Variants in FHIT observed in about 807,000 individuals in gnomAD.
FHIT encodes the protein bis(5'-adenosyl)-triphosphatase.
A neutral mutation model predicts 17.9 loss-of-function variants in FHIT; 19 were observed. The ratio of observed to expected loss-of-function variants is 1.06; its 90% CI spans 0.74 to 1.56. FHIT has a LOEUF of 1.56. Ranked by LOEUF, FHIT falls within the 40% of genes most tolerant of loss-of-function variation. The pLI, the probability that FHIT is intolerant of heterozygous loss-of-function variation, is 0.00. For missense variants in FHIT, 248 were observed against 189.2 expected (o/e 1.31, Z -1.82); for synonymous variants, 81 against 69.7 (o/e 1.16, Z -0.81).
intron 2 of FHIT, among the ~76,000 whole-genome samples, chr3:61,056,944 C>G (rs1217809711): frequency 6.6e-6 from 1 of 152,134 alleles, no homozygotes; most frequent in Non-Finnish European, 1.5e-5. Flanking sequence ...AAAAAACAAA[C>G]TTACTACTTA....
intron 4 of FHIT, among the ~76,000 whole-genome samples, chr3:60,695,611 A>C (rs537280148): frequency 2.0e-5 from 3 of 152,130 alleles, no homozygotes; most frequent in Non-Finnish European, 2.9e-5. Flanking sequence ...TGGGAGGATC[A>C]GCTGTGATAA....
At chr3:60,700,480 T>C (rs1247737431) in intron 4 of FHIT, among the ~76,000 whole-genome samples, 2 of 152,208 alleles carry the variant, frequency 1.3e-5, no homozygotes, top group South Asian at 2.1e-4. Context: ...ATGGTTATAG[T>C]ATAAATATAT....
At chr3:60,706,528 C>T (rs1049047152) in intron 4 of FHIT, among the ~76,000 whole-genome samples, 1 of 152,176 alleles carries the variant, frequency 6.6e-6, no homozygotes, top group African/African-American at 2.4e-5. Flanking sequence ...AGAATGAACA[C>T]TTAATTTATT....
intron 2 of FHIT, among the ~76,000 whole-genome samples, chr3:61,073,731 C>G (rs1194767238): frequency 6.6e-6 from 1 of 152,180 alleles, no homozygotes; most frequent in East Asian, 1.9e-4. Context: ...CAGTGTCCTG[C>G]TGGCCCTATT....
At chr3:60,457,928 A>C (rs2032212231) in intron 5 of FHIT, among the ~76,000 whole-genome samples, 1 of 152,124 alleles carries the variant, frequency 6.6e-6, no homozygotes. Flanking sequence ...AAAAGTCAGG[A>C]AACAACAGGT....
At chr3:60,841,548 A>T (rs1330185346) in intron 3 of FHIT, among the ~76,000 whole-genome samples, 1 of 152,232 alleles carries the variant, frequency 6.6e-6, no homozygotes, top group African/African-American at 2.4e-5. Flanking sequence ...TATCTTGCCC[A>T]AAGTTGAAAA....
At chr3:60,336,444 T>C (rs1710244228) in intron 5 of FHIT, among the ~76,000 whole-genome samples, 1 of 152,236 alleles carries the variant, frequency 6.6e-6, no homozygotes, top group African/African-American at 2.4e-5. Flanking sequence ...GGCTTTATTC[T>C]AGAACACTTG....
chr3:59,990,540 C>T (rs1709180656), intron 7 of FHIT, among the ~76,000 whole-genome samples: 1 of 152,066 alleles, frequency 6.6e-6, no homozygotes, highest in Non-Finnish European at 1.5e-5. Context: ...TTGCAAACTG[C>T]TTACTCCTTA....
chr3:60,377,706 C>T (rs569555278), intron 5 of FHIT, among the ~76,000 whole-genome samples: 8 of 151,436 alleles, frequency 5.3e-5, no homozygotes, highest in South Asian at 2.1e-4. Flanking sequence ...TGGTCTCGAT[C>T]TCCTGACCTC....
In FHIT at chr3:60,860,992, CGT is replaced by C. The variant is rs1703778192; in HGVS notation, c.-110-38983_-110-38982del. ...ATCATGTATATATGATACATATATA[CGT>C]ATATATCCATATATATGATACATAT... On this transcript the variant is annotated intron_variant, in intron 3 of 9. Transcript: ENST00000492590. 2.1e-5 allele frequency among the ~76,000 whole-genome samples: 2 copies of C among 96,996 alleles called. 1 individual carries two copies. Among genetic ancestry groups the C allele is most frequent in the Non-Finnish European group, 4.3e-5 (2 of 45,982 alleles). The allele number at this position is 96,996 out of a possible 152,430, so 63.6% of individuals were successfully genotyped here. A position where few individuals can be genotyped will look rare whatever the true frequency, so the allele number is the denominator to read the frequency against.
chr3:60,140,815 T>A (rs1384470471), intron 5 of FHIT, among the ~76,000 whole-genome samples: 4 of 152,100 alleles, frequency 2.6e-5, no homozygotes, highest in Non-Finnish European at 4.4e-5. Context: ...CAACCTCAGA[T>A]GATCCACCTG....
At position 60,142,091 on chromosome 3, in the gene FHIT, C is replaced by G. The variant is rs543138471; in HGVS notation, c.104-127939G>C. 2.0e-5 allele frequency among the ~76,000 whole-genome samples: 3 copies of G among 152,256 alleles called. No individual in the cohort carries two copies. The East Asian group carries it at 5.8e-4, about 29-fold the overall frequency. ...AAAGAGAAAAGAATTACCATCCATT[C>G]CTGTTATCCTTTTCTTTTAGCATAT... On this transcript the variant is annotated intron_variant, in intron 5 of 9. Transcript: ENST00000492590.
intron 5 of FHIT, among the ~76,000 whole-genome samples, chr3:60,370,319 T>C (rs1193358559): frequency 1.3e-5 from 2 of 152,246 alleles, no homozygotes; most frequent in African/African-American, 2.4e-5. Context: ...TCCTTTTCAA[T>C]ACACTTTCAG....
At chr3:59,761,007 A>T (rs1701487808) in intron 8 of FHIT, among the ~76,000 whole-genome samples, 1 of 152,152 alleles carries the variant, frequency 6.6e-6, no homozygotes, top group Admixed American at 6.5e-5. Context: ...CAACATCAGG[A>T]CAGCTGAAGA....
chr3:59,906,306 A>G (rs374638154), intron 8 of FHIT, among the ~76,000 whole-genome samples: 157 of 152,302 alleles, frequency 1.0e-3, no homozygotes, highest in African/African-American at 3.5e-3. Context: ...CTTCAAGGGC[A>G]TTCTTTTCAA....
chr3:60,348,730 T>C (rs1349386615), intron 5 of FHIT, among the ~76,000 whole-genome samples: 2 of 152,214 alleles, frequency 1.3e-5, no homozygotes, highest in Non-Finnish European at 2.9e-5. Context: ...GGCTTAGCCA[T>C]GTAACTTGAC....
At chr3:60,674,479 G>A (rs188217075) in intron 4 of FHIT, among the ~76,000 whole-genome samples, 3 of 152,220 alleles carry the variant, frequency 2.0e-5, no homozygotes, top group African/African-American at 7.2e-5. Flanking sequence ...GCTAAACACA[G>A]GGCGACACAT....
chr3:61,238,090 A>C (rs558706969), intron 1 of FHIT, among the ~76,000 whole-genome samples: 16 of 152,308 alleles, frequency 1.1e-4, no homozygotes, highest in African/African-American at 3.6e-4. Context: ...AAACAGCACC[A>C]ACAATTGTCC....
chr3:60,535,402 T>G (rs2107596487), intron 5 of FHIT, among the ~76,000 whole-genome samples: 1 of 152,302 alleles, frequency 6.6e-6, no homozygotes, highest in East Asian at 1.9e-4. Flanking sequence ...ATTTAAACCA[T>G]ATTCTTTTAA....
Sources: allele counts gnomAD v4.1 joint callset (sites outside exome capture counted in the v4.1 genomes callset), GRCh38; gene constraint gnomAD v4.1.1; transcripts MANE v1.5; gene names NCBI Gene and HGNC (gene_info 2026-07-23, HGNC 2026-07-21).